The following TP73 variants were observed in gnomAD, a reference collection of about 807,000 sequenced individuals.
TP73 encodes the protein tumor protein p73, also known as p53-like transcription factor.
Under a neutral mutation model 62.5 loss-of-function variants are expected in TP73, and 25 were observed. That is an observed-to-expected ratio of 0.40 (90% CI 0.29 to 0.56). The LOEUF is 0.56. Ranked by LOEUF, TP73 falls within the 20% of genes least tolerant of loss-of-function variation. The pLI is 0.46. For missense variants in TP73, 754 were observed against 913.3 expected (o/e 0.83, Z 2.25); for synonymous variants, 423 against 377.5 (o/e 1.12, Z -1.40).
intron 3 of TP73, among the ~76,000 whole-genome samples, chr1:3,687,002 C>T (rs1645674815): frequency 6.6e-6 from 1 of 152,164 alleles, no homozygotes; most frequent in African/African-American, 2.4e-5. Context: ...AAGAAAGCTG[C>T]TCCTCGGACA....
chr1:3,693,565 A>C (rs1638272103), intron 3 of TP73, among the ~76,000 whole-genome samples: 1 of 152,108 alleles, frequency 6.6e-6, no homozygotes, highest in Non-Finnish European at 1.5e-5. Flanking sequence ...CTCCTCTATG[A>C]TGAGGACGGT....
chr1:3,727,055 C>T (rs1262521304), intron 6 of TP73, 60 bp from the exon 7 acceptor site: 1 of 1,480,332 alleles, frequency 6.8e-7, no homozygotes, highest in African/African-American at 1.4e-5. Flanking sequence ...GGGGCTGCCA[C>T]CTTAGTGGAT....
At chr1:3,716,429 C>T (rs1201677239) in intron 4 of TP73, among the ~76,000 whole-genome samples, 1 of 152,216 alleles carries the variant, frequency 6.6e-6, no homozygotes, top group Admixed American at 6.5e-5. Flanking sequence ...GTGAGTGAGC[C>T]GTCACTGCCT....
intron 1 of TP73, among the ~76,000 whole-genome samples, chr1:3,664,415 G>A (rs1645066742): frequency 6.6e-6 from 1 of 152,242 alleles, no homozygotes; most frequent in Non-Finnish European, 1.5e-5. Context: ...GGGGAAGGCT[G>A]GGCTGAGGGG....
At chr1:3,653,363 C>T (rs375639492) in intron 1 of TP73, among the ~76,000 whole-genome samples, 5 of 152,266 alleles carry the variant, frequency 3.3e-5, no homozygotes, top group African/African-American at 9.6e-5. Flanking sequence ...GCCGCCTCCT[C>T]CTGCAGCCCC....
chr1:3,727,492 C>T, intron 7 of TP73, 136 bp from the exon 8 acceptor site: 1 of 1,290,874 alleles, frequency 7.7e-7, no homozygotes. Context: ...GGAACACTCG[C>T]TGCCGGCACT....
intron 3 of TP73, among the ~76,000 whole-genome samples, chr1:3,695,637 G>C (rs761572034): frequency 6.6e-6 from 1 of 152,270 alleles, no homozygotes; most frequent in Admixed American, 6.5e-5. Flanking sequence ...CTCTGGGCAG[G>C]ATGGGCCTCC....
At chr1:3,659,756 A>G (rs1401997455) in intron 1 of TP73, among the ~76,000 whole-genome samples, 1 of 152,134 alleles carries the variant, frequency 6.6e-6, no homozygotes. Flanking sequence ...ATCTCGACTC[A>G]CTGCAAACTC....
chr1:3,718,354 C>T lies in TP73; in HGVS notation c.430-3667C>T, dbSNP rs1414470426. Reference sequence around the variant, plus strand: ...CACTTCGTAGCGCCCTGGCCTGGGACGCCCCACCACGCAGCTTCCAGAGCA... The same window carrying T: ...CACTTCGTAGCGCCCTGGCCTGGGATGCCCCACCACGCAGCTTCCAGAGCA... On this transcript the variant is annotated intron_variant, in intron 4 of 13. Transcript: ENST00000378295. Among the ~76,000 whole-genome samples, 3 of 152,236 alleles carry T rather than the reference C, an allele frequency of 2.0e-5. No homozygotes were observed. The East Asian group carries it at 5.8e-4, about 29-fold the overall frequency.
chr1:3,686,925 G>A (rs930382904), intron 3 of TP73, among the ~76,000 whole-genome samples: 4 of 152,184 alleles, frequency 2.6e-5, no homozygotes, highest in East Asian at 1.9e-4. Context: ...CAGTGGTGCC[G>A]GGCCCATCGG....
intron 1 of TP73, among the ~76,000 whole-genome samples, chr1:3,661,853 A>T (rs1290340789): frequency 6.8e-6 from 1 of 147,610 alleles, no homozygotes; most frequent in African/African-American, 2.5e-5. Context: ...TATATGTATT[A>T]TATATATACA....
chr1:3,701,305 G>A lies in TP73; in HGVS notation c.187-6244G>A, dbSNP rs183080243. On this transcript the variant is annotated intron_variant, in intron 3 of 13. Coordinates refer to ENST00000378295, the MANE Select transcript of TP73 (RefSeq NM_005427.4). The surrounding 1 kb of genome is among the most constrained non-coding windows in gnomAD (Gnocchi z 4.7). ...ATCTGGATTCCCGTCCCTGTTCCTC[G>A]GCGGAGCCTGCCCAGCCGTCGTTCC... Among the ~76,000 whole-genome samples, 261 of 152,140 alleles carry A rather than the reference G, an allele frequency of 1.7e-3. 3 individuals carry two copies. Among genetic ancestry groups the A allele is most frequent in the Admixed American group, 0.011 (163 of 15,296 alleles).
intron 1 of TP73, among the ~76,000 whole-genome samples, chr1:3,667,940 C>T (rs777866350): frequency 5.8e-4 from 89 of 152,202 alleles, no homozygotes; most frequent in Non-Finnish European, 8.7e-4. Flanking sequence ...TCAGTGTCCC[C>T]CCAGGGCTCA....
rs772181924 is a variant in TP73, at chr1:3,727,743, G to A, written c.958G>A (p.Ala320Thr). ...REQQALNESS[A>T]KNGAASKRAF... Reference sequence around the variant, plus strand: ...GCAGCAGGCCCTGAACGAGAGCTCCGCCAAGAACGGGGCCGCCAGCAAGCG... The same window carrying A: ...GCAGCAGGCCCTGAACGAGAGCTCCACCAAGAACGGGGCCGCCAGCAAGCG... The change falls in exon 8 of 14, where the codon GCC becomes ACC. Residue 320 changes from alanine to threonine, a missense_variant. Physicochemically the swap from Ala to Thr is moderately conservative, Grantham distance 58 (BLOSUM62 0). Transcript: ENST00000378295. 2.1e-5 allele frequency: 33 copies of A among 1,550,884 alleles called. No homozygotes were observed. In the Admixed American group the frequency reaches 3.9e-4, roughly 18 times the overall value.
intron 1 of TP73, among the ~76,000 whole-genome samples, chr1:3,668,394 C>T (rs1347929859): frequency 3.3e-5 from 5 of 152,146 alleles, no homozygotes; most frequent in African/African-American, 7.2e-5. Flanking sequence ...ACAGTGGCAG[C>T]GACACACACT....
At chr1:3,725,161 C>G (rs143802891) in intron 6 of TP73, among the ~76,000 whole-genome samples, 1 of 152,080 alleles carries the variant, frequency 6.6e-6, no homozygotes, top group Admixed American at 6.5e-5. Flanking sequence ...GCAACACACA[C>G]GTAGGGCCAC....
chr1:3,698,741 G>A (rs1638891724), intron 3 of TP73, among the ~76,000 whole-genome samples: 1 of 152,168 alleles, frequency 6.6e-6, no homozygotes, highest in Non-Finnish European at 1.5e-5. Context: ...GTCCGTGGAG[G>A]CCCGGGGGGC....
rs367558062 is a variant in TP73 at position 3,713,040 on chromosome 1, C to A, written c.429+5249C>A. On this transcript the variant is annotated intron_variant, in intron 4 of 13. Transcript: ENST00000378295. ...AGGAGGTGCTGACACCTCAGAGGGA[C>A]CTGCCTGTCCCTAGGGGAGAAAGCC... is the stretch of plus-strand genomic sequence containing the variant. Among the ~76,000 whole-genome samples the A allele has an allele frequency of 4.1e-4, 63 of 152,322 alleles. No homozygotes were observed. In the East Asian group the frequency reaches 0.011, roughly 27 times the overall value.
intron 3 of TP73, among the ~76,000 whole-genome samples, chr1:3,702,700 C>T (rs889837633): frequency 1.3e-5 from 2 of 152,234 alleles, no homozygotes; most frequent in African/African-American, 4.8e-5. Context: ...CCCGCTGGCT[C>T]TCTGGCTCCC....
Sources: gnomAD v4.1 joint callset for allele counts (sites outside exome capture counted in the v4.1 genomes callset) on GRCh38, gnomAD v4.1.1 for gene constraint, Gnocchi (gnomAD v3.1) non-coding constraint, MANE v1.5 for transcripts, NCBI Gene and HGNC (gene_info 2026-07-23, HGNC 2026-07-21) for gene names.